Variants in APCDD1L observed in about 807,000 individuals in gnomAD.
APCDD1L encodes the protein protein APCDD1-like.
Under a neutral mutation model 24.2 loss-of-function variants are expected in APCDD1L, and 21 were observed. The observed-to-expected ratio is 0.87, with a 90% confidence interval of 0.61 to 1.25. APCDD1L has a LOEUF of 1.25. Ranked by LOEUF, APCDD1L falls within the 50% of genes most tolerant of loss-of-function variation. The pLI, the probability that APCDD1L is intolerant of heterozygous loss-of-function variation, is 0.00. For synonymous variants in APCDD1L, 321 were observed against 323.6 expected, an observed-to-expected ratio of 0.99 and a Z score of 0.09; for missense variants, 704 against 711.7, an observed-to-expected ratio of 0.99 and a Z score of 0.12.
intron 1 of APCDD1L, among the ~76,000 whole-genome samples, chr20:58,477,645 G>T (rs1989935472): frequency 6.6e-6 from 1 of 152,208 alleles, no homozygotes; most frequent in South Asian, 2.1e-4. Flanking sequence ...TATACTCAGA[G>T]ATAACAGAAA....
At chr20:58,475,254 C>T (rs1453976130) in intron 1 of APCDD1L, among the ~76,000 whole-genome samples, 1 of 152,144 alleles carries the variant, frequency 6.6e-6, no homozygotes, top group Non-Finnish European at 1.5e-5. Flanking sequence ...CTTTTTTCTC[C>T]TGTAATCTGC....
chr20:58,460,438 T>G lies in APCDD1L; in HGVS notation c.*352A>C, dbSNP rs1989572545. 5 of 192,344 alleles carry G rather than the reference T, an allele frequency of 2.6e-5. No homozygotes were observed. Among genetic ancestry groups the G allele is most frequent in the East Asian group, 1.3e-4 (1 of 7,844 alleles). The allele number at this position is 192,344 out of a possible 1,614,324, so 11.9% of individuals were successfully genotyped here. ...AGGATGGGAAGAACTGGGGGGAACATGGGATGGGGGTGTTCCGTGTGGCCC... is the reference window on the plus strand; with the variant it reads ...AGGATGGGAAGAACTGGGGGGAACAGGGGATGGGGGTGTTCCGTGTGGCCC... On this transcript the variant is annotated 3_prime_UTR_variant, in exon 4 of 4. Coordinates refer to ENST00000371149, the MANE Select transcript of APCDD1L (RefSeq NM_153360.3). This position sits in a 1 kb window ranked among gnomAD's most constrained non-coding sequence, Gnocchi z 4.2.
intron 1 of APCDD1L, among the ~76,000 whole-genome samples, chr20:58,507,311 T>G (rs1258017753): frequency 6.6e-6 from 1 of 152,194 alleles, no homozygotes; most frequent in African/African-American, 2.4e-5. Flanking sequence ...CTCTTTCTTT[T>G]GAAAATAGCC....
In APCDD1L at chr20:58,505,206, T is replaced by C. The variant is rs527591907; in HGVS notation, c.49+9453A>G. Among the ~76,000 whole-genome samples the C allele has an allele frequency of 5.3e-5, 8 of 152,304 alleles. No homozygotes were observed. The South Asian group carries it at 1.7e-3, about 32-fold the overall frequency. On this transcript the variant is annotated intron_variant, in intron 1 of 3. Transcript: ENST00000371149. ...AATCAAATATACTATATTGTGTTTC[T>C]TTTTAAGTTTTTTACAAATTATTAT...
At chr20:58,479,686 T>G (rs1211952995) in intron 1 of APCDD1L, among the ~76,000 whole-genome samples, 1 of 151,716 alleles carries the variant, frequency 6.6e-6, no homozygotes, top group African/African-American at 2.4e-5. Flanking sequence ...AAGTTTGGAC[T>G]TGGAGGAAGC....
chr20:58,461,582 G>T lies in APCDD1L; in HGVS notation c.742-28C>A. 1 of 1,410,838 alleles carries T rather than the reference G, an allele frequency of 7.1e-7. No individual in the cohort carries two copies. The allele number at this position is 1,410,838 out of a possible 1,614,324, so 87.4% of individuals were successfully genotyped here. A position where few individuals can be genotyped will look rare whatever the true frequency, so the allele number is the denominator to read the frequency against. ...GGCAAAAGACAAACAGAAAAACGGT[G>T]GTTGTCCCACATAGAGAAGTTGGGG... is the stretch of plus-strand genomic sequence containing the variant. On this transcript the variant is annotated intron_variant, in intron 3 of 3. Transcript: ENST00000371149. The surrounding 1 kb of genome is among the most constrained non-coding windows in gnomAD (Gnocchi z 6.0).
Position 58,514,862 on chromosome 20 carries a change from C to A in APCDD1L, c.-155G>T, listed in dbSNP as rs1404690801. 3 of 473,014 alleles carry A rather than the reference C, an allele frequency of 6.3e-6. No individual in the cohort carries two copies. Among genetic ancestry groups the A allele is most frequent in the South Asian group, 1.2e-4 (1 of 8,666 alleles). 29.3% of individuals were successfully genotyped at this position (473,014 alleles called of 1,614,324 possible). On this transcript the variant is annotated 5_prime_UTR_variant, in exon 1 of 4. Transcript: ENST00000371149. The stretch of plus-strand genomic sequence containing the variant: ...TCCTGCGCCCCCCTCGGCGCTCACA[C>A]GCGCTCAGCCTTCCCGGCTGTTGAT...
At chr20:58,500,776 C>G (rs919230877) in intron 1 of APCDD1L, among the ~76,000 whole-genome samples, 1 of 152,140 alleles carries the variant, frequency 6.6e-6, no homozygotes, top group Non-Finnish European at 1.5e-5. Context: ...GGACATTCAT[C>G]CTGGCTAAGG....
chr20:58,512,777 T>A (rs1990652505), intron 1 of APCDD1L, among the ~76,000 whole-genome samples: 1 of 152,174 alleles, frequency 6.6e-6, no homozygotes, highest in East Asian at 1.9e-4. Flanking sequence ...AAAGAGCTTT[T>A]CAAAGAAGCG....
intron 1 of APCDD1L, among the ~76,000 whole-genome samples, chr20:58,483,879 T>G (rs1279990748): frequency 6.6e-6 from 1 of 152,044 alleles, no homozygotes; most frequent in Admixed American, 6.5e-5. Flanking sequence ...TGGATGATAA[T>G]GGGCTGGAGA....
rs180806659 is a variant in APCDD1L at position 58,471,371 on chromosome 20, T to C, written c.50-624A>G. Among the ~76,000 whole-genome samples the C allele has an allele frequency of 1.4e-3, 214 of 152,238 alleles. 9 individuals are homozygous for C. In the South Asian group the frequency reaches 0.031, roughly 22 times the overall value. ...AGCGTGTGGCAAGGGAAAGAGCGCA[T>C]GGCCGCTGCAGAGGCCCGGGCCGAG... On this transcript the variant is annotated intron_variant, in intron 1 of 3. Transcript: ENST00000371149.
intron 1 of APCDD1L, among the ~76,000 whole-genome samples, chr20:58,487,468 T>C (rs987688018): frequency 2.0e-5 from 3 of 147,380 alleles, no homozygotes; most frequent in Non-Finnish European, 3.0e-5. Flanking sequence ...TTGTGGGAAA[T>C]AAAACATGGT....
At chr20:58,490,662 G>C (rs2123168948) in intron 1 of APCDD1L, among the ~76,000 whole-genome samples, 1 of 152,324 alleles carries the variant, frequency 6.6e-6, no homozygotes, top group South Asian at 2.1e-4. Flanking sequence ...GGAAGAGACT[G>C]TCTCTTCACT....
rs1989613243 is a variant in APCDD1L, at chr20:58,461,641, G to T, written c.742-87C>A. The T allele has an allele frequency of 2.3e-6, 3 of 1,313,708 alleles. No homozygotes were observed. Among genetic ancestry groups the T allele is most frequent in the African/African-American group, 3.0e-5 (2 of 67,528 alleles). The allele number at this position is 1,313,708 out of a possible 1,614,324, so 81.4% of individuals were successfully genotyped here. Reference sequence around the variant, plus strand: ...GGAAAGGAACCCCAGCTCTGTAGGGGTGTCAAGGCAGGGTGAGGTGCGGCC... The same window carrying T: ...GGAAAGGAACCCCAGCTCTGTAGGGTTGTCAAGGCAGGGTGAGGTGCGGCC... On this transcript the variant is annotated intron_variant, in intron 3 of 3. Transcript: ENST00000371149. This position sits in a 1 kb window ranked among gnomAD's most constrained non-coding sequence, Gnocchi z 6.0.
intron 3 of APCDD1L, among the ~76,000 whole-genome samples, chr20:58,466,173 A>C (rs888105987): frequency 1.3e-5 from 2 of 149,364 alleles, no homozygotes; most frequent in African/African-American, 4.9e-5. Context: ...GATCCTCCCC[A>C]AATTAGGACG....
At chr20:58,492,999 C>G (rs1317269234) in intron 1 of APCDD1L, among the ~76,000 whole-genome samples, 1 of 151,722 alleles carries the variant, frequency 6.6e-6, no homozygotes, top group Admixed American at 6.6e-5. Context: ...CAAGCATGCA[C>G]ACATGCATAC....
At chr20:58,495,188 T>A (rs1600869528) in intron 1 of APCDD1L, among the ~76,000 whole-genome samples, 1 of 152,252 alleles carries the variant, frequency 6.6e-6, no homozygotes, top group South Asian at 2.1e-4. Context: ...CCTGCCAGAG[T>A]CACACGACAA....
chr20:58,492,541 G>A (rs1439371530), intron 1 of APCDD1L, among the ~76,000 whole-genome samples: 1 of 152,242 alleles, frequency 6.6e-6, no homozygotes, highest in Non-Finnish European at 1.5e-5. Context: ...AATAGCAAGA[G>A]TAGGTGAGGA....
intron 1 of APCDD1L, among the ~76,000 whole-genome samples, chr20:58,502,058 C>T (rs144359491): frequency 7.6e-4 from 115 of 152,278 alleles, no homozygotes; most frequent in African/African-American, 2.5e-3. Context: ...CCTTTCTCCT[C>T]TCCTCTCACA....
Sources: gnomAD v4.1 joint callset for allele counts (sites outside exome capture counted in the v4.1 genomes callset) on GRCh38, gnomAD v4.1.1 for gene constraint, Gnocchi (gnomAD v3.1) non-coding constraint, MANE v1.5 for transcripts, NCBI Gene and HGNC (gene_info 2026-07-23, HGNC 2026-07-21) for gene names.